The following COL6A3 variants were observed in gnomAD, a reference collection of about 807,000 sequenced individuals.
The protein encoded by COL6A3 is collagen type VI alpha 3 chain, also known as collagen alpha-3(VI) chain.
A neutral mutation model predicts 274.1 loss-of-function variants in COL6A3; 137 were observed. The ratio of observed to expected loss-of-function variants is 0.50; its 90% CI spans 0.44 to 0.58. The LOEUF (loss-of-function observed/expected upper bound fraction) is 0.58, where lower values mean the gene tolerates loss of function less well. Among genes scored for constraint, COL6A3 ranks in the 20% least tolerant of loss-of-function variants. The probability of loss-of-function intolerance (pLI) is 0.00; values close to 1 mark genes in which losing one functional copy is unlikely to be tolerated. For missense variants in COL6A3, 3,950 were observed against 4,124.9 expected, an observed-to-expected ratio of 0.96 and a Z score of 1.16; for synonymous variants, 1,650 against 1,650.6, an observed-to-expected ratio of 1.00 and a Z score of 0.01.
intron 2 of COL6A3, among the ~76,000 whole-genome samples, 189 bp downstream of exon 2, chr2:237,396,538 C>A (rs1305034570): frequency 1.3e-5 from 2 of 152,344 alleles, no homozygotes; most frequent in South Asian, 4.1e-4. Context: ...AATAGGTCAT[C>A]TCTCACTGGA....
chr2:237,403,797 C>T lies in COL6A3; in HGVS notation c.-30-6950G>A, dbSNP rs1487813601. 2.0e-5 allele frequency among the ~76,000 whole-genome samples: 3 copies of T among 151,874 alleles called. No individual in the cohort carries two copies. In the East Asian group the frequency reaches 5.8e-4, roughly 29 times the overall value. ...ACAGGCTGGACTGCCTGTTCTCCTCCCTCCACTTAGGTTGACCCTACCCCC... is the reference window on the plus strand; with the variant it reads ...ACAGGCTGGACTGCCTGTTCTCCTCTCTCCACTTAGGTTGACCCTACCCCC... On this transcript the variant is annotated intron_variant, in intron 1 of 43. Coordinates refer to ENST00000295550, the MANE Select transcript of COL6A3 (RefSeq NM_004369.4).
intron 4 of COL6A3, 73 bp from the exon 5 acceptor site, chr2:237,381,572 C>T (rs2078007739): frequency 7.9e-7 from 1 of 1,258,570 alleles, no homozygotes; most frequent in African/African-American, 1.5e-5. Flanking sequence ...TTCAACAAAG[C>T]TAACTCCATT....
At chr2:237,340,395 C>T in intron 38 of COL6A3, 57 bp downstream of exon 38, 1 of 1,516,214 alleles carries the variant, frequency 6.6e-7, no homozygotes, top group Non-Finnish European at 9.1e-7. Context: ...TCCTACACTT[C>T]TCCTGGCCCG....
At chr2:237,373,958 A>G (rs551030542) in intron 8 of COL6A3, among the ~76,000 whole-genome samples, 1 of 152,324 alleles carries the variant, frequency 6.6e-6, no homozygotes, top group South Asian at 2.1e-4. Context: ...TTGGCTCTGG[A>G]GATACCAATA....
At chr2:237,353,454 G>T in intron 24 of COL6A3, 51 bp from the exon 25 acceptor site, 1 of 1,508,568 alleles carries the variant, frequency 6.6e-7, no homozygotes, top group Non-Finnish European at 9.2e-7. Flanking sequence ...TCCTGTCAAT[G>T]TCAGCTCTTT....
intron 43 of COL6A3, 91 bp from the exon 44 acceptor site, chr2:237,324,905 A>G: frequency 7.5e-7 from 1 of 1,335,688 alleles, no homozygotes. Flanking sequence ...GGGCACTGTC[A>G]TTATCATGAC....
chr2:237,364,916 T>A lies in COL6A3; in HGVS notation c.5839-488A>T, dbSNP rs1408321586. Among the ~76,000 whole-genome samples the A allele has an allele frequency of 6.6e-6, 1 of 151,096 alleles. No homozygotes were observed. Among genetic ancestry groups the A allele is most frequent in the Non-Finnish European group, 1.5e-5 (1 of 67,816 alleles). Reference sequence around the variant, plus strand: ...GCGTGCATGTGTGTGGGTGCATGTCTGTGGGTGTGTGTGCGTGTGTGCATG... The same window carrying A: ...GCGTGCATGTGTGTGGGTGCATGTCAGTGGGTGTGTGTGCGTGTGTGCATG... On this transcript the variant is annotated intron_variant, in intron 12 of 43. Coordinates refer to ENST00000295550, the MANE Select transcript of COL6A3 (RefSeq NM_004369.4). This position sits in a 1 kb window ranked among gnomAD's most constrained non-coding sequence, Gnocchi z 4.6.
intron 31 of COL6A3, among the ~76,000 whole-genome samples, chr2:237,347,298 C>A (rs1574953087): frequency 6.6e-6 from 1 of 152,058 alleles, no homozygotes; most frequent in East Asian, 1.9e-4. Flanking sequence ...GTCACACACA[C>A]ACACACACAA....
At chr2:237,401,233 C>T (rs2078581223) in intron 1 of COL6A3, among the ~76,000 whole-genome samples, 1 of 152,182 alleles carries the variant, frequency 6.6e-6, no homozygotes, top group Admixed American at 6.5e-5. Flanking sequence ...ATCTATCCCA[C>T]TTTTGGGTAT....
rs1296053167 is a variant in COL6A3 at position 237,359,109 on chromosome 2, A to C, written c.6355-21T>G. ...TCTCCCTGCCAAAGACAAGGATTAA[A>C]GGTCACACCTGCTGCAATTTCTATC... On this transcript the variant is annotated intron_variant, in intron 19 of 43. Transcript: ENST00000295550. The C allele has an allele frequency of 3.1e-6, 5 of 1,614,022 alleles. No homozygotes were observed. The African/African-American group carries it at 6.7e-5, about 22-fold the overall frequency.
chr2:237,347,688 C>A, intron 31 of COL6A3, 119 bp downstream of exon 31: 2 of 1,054,668 alleles, frequency 1.9e-6, no homozygotes, highest in South Asian at 1.4e-5. Flanking sequence ...CTTCCTTCCA[C>A]CCTGTGCTAT....
At position 237,411,381 on chromosome 2, in the gene COL6A3, G is replaced by T. The variant is rs551618851; in HGVS notation, c.-31+2572C>A. Among the ~76,000 whole-genome samples the T allele has an allele frequency of 3.9e-5, 6 of 152,316 alleles. No homozygotes were observed. In the East Asian group the frequency reaches 1.2e-3, roughly 29 times the overall value. ...ATATAAGTGGGAGGTGATATCAACC[G>T]CTGGTGAAGACTACGCTTGATCCAG... On this transcript the variant is annotated intron_variant, in intron 1 of 43. Coordinates refer to ENST00000295550, the MANE Select transcript of COL6A3 (RefSeq NM_004369.4).
intron 23 of COL6A3, chr2:237,355,901 A>G (rs1465372056): frequency 6.6e-6 from 1 of 152,262 alleles, no homozygotes; most frequent in African/African-American, 2.4e-5. Flanking sequence ...GAGACATGCT[A>G]GAGTTCCATG....
At chr2:237,350,749 T>A (rs1453817968) in intron 27 of COL6A3, among the ~76,000 whole-genome samples, 2 of 152,172 alleles carry the variant, frequency 1.3e-5, no homozygotes, top group African/African-American at 4.8e-5. Context: ...TGCCCATGTT[T>A]AAAGACTGCT....
At chr2:237,352,621 G>T in intron 25 of COL6A3, 37 bp from the exon 26 acceptor site, 1 of 1,592,890 alleles carries the variant, frequency 6.3e-7, no homozygotes, top group Non-Finnish European at 8.6e-7. Flanking sequence ...TGCTAATGAG[G>T]TGACTTTCCA....
intron 43 of COL6A3, 86 bp downstream of exon 43, chr2:237,325,474 A>C (rs1699889820): frequency 7.2e-7 from 1 of 1,385,504 alleles, no homozygotes; most frequent in South Asian, 1.2e-5. Flanking sequence ...TATCATAATC[A>C]TTGCACTTCT....
chr2:237,358,473 C>G lies in COL6A3; in HGVS notation c.6471+48G>C, dbSNP rs368190978. 127 of 1,488,540 alleles carry G rather than the reference C, an allele frequency of 8.5e-5. No homozygotes were observed. The Middle Eastern group carries it at 1.5e-3, about 18-fold the overall frequency. The allele number at this position is 1,488,540 out of a possible 1,614,324, so 92.2% of individuals were successfully genotyped here. On this transcript the variant is annotated intron_variant, in intron 21 of 43. Transcript: ENST00000295550. ...CCTTTCATCCCCCTTTCCCAACAAC[C>G]CTCTTCCCCAGGCTCAGGTCTGAAA...
chr2:237,338,504 T>C (rs1350009907), intron 39 of COL6A3, among the ~76,000 whole-genome samples: 1 of 152,156 alleles, frequency 6.6e-6, no homozygotes, highest in Non-Finnish European at 1.5e-5. Flanking sequence ...GGCTCATGCT[T>C]ATAATCCCAG....
chr2:237,358,136 T>G (rs1364142606), intron 21 of COL6A3, among the ~76,000 whole-genome samples: 1 of 152,214 alleles, frequency 6.6e-6, no homozygotes, highest in Non-Finnish European at 1.5e-5. Flanking sequence ...GGCTCACTCC[T>G]GCTTATCCTT....
Sources: allele counts gnomAD v4.1 joint callset (sites outside exome capture counted in the v4.1 genomes callset), GRCh38; gene constraint gnomAD v4.1.1; non-coding constraint Gnocchi (gnomAD v3.1); transcripts MANE v1.5; gene names NCBI Gene and HGNC (gene_info 2026-07-23, HGNC 2026-07-21).